USP40: variants seen among roughly 807,000 people sequenced by gnomAD.
USP40 encodes the protein ubiquitin specific peptidase 40.
Under a neutral mutation model 166.2 loss-of-function variants are expected in USP40, and 143 were observed. The ratio of observed to expected loss-of-function variants is 0.86; its 90% CI spans 0.75 to 0.99. The LOEUF (loss-of-function observed/expected upper bound fraction) is 0.99, where lower values mean the gene tolerates loss of function less well. USP40 is among the 50% of genes least tolerant of loss of function. USP40 has a pLI of 0.00. For missense variants in USP40, 1,444 were observed against 1,479.7 expected, an observed-to-expected ratio of 0.98 and a Z score of 0.40; for synonymous variants, 498 against 524.0, an observed-to-expected ratio of 0.95 and a Z score of 0.68.
At chr2:233,524,133 A>C (rs1271665748) in intron 15 of USP40, among the ~76,000 whole-genome samples, 1 of 152,012 alleles carries the variant, frequency 6.6e-6, no homozygotes, top group South Asian at 2.1e-4. Context: ...ATTTCATTAC[A>C]ATGACTTTTT....
intron 21 of USP40, among the ~76,000 whole-genome samples, chr2:233,509,425 G>A (rs2066643752): frequency 6.6e-6 from 1 of 151,780 alleles, no homozygotes; most frequent in South Asian, 2.1e-4. Flanking sequence ...TGTTAATATT[G>A]GTAGGATAAA....
In USP40 at chr2:233,498,540, C is replaced by T; in HGVS notation, c.2715+8G>A. ...ATACGAAAGTACAATGTATAGAAAT[C>T]ATCTTACTTCTTCACATAAAGGCTC... is the stretch of plus-strand genomic sequence containing the variant. On this transcript the variant is annotated splice_region_variant and intron_variant, in intron 23 of 31. Transcript: ENST00000678225. The T allele has an allele frequency of 1.9e-6, 3 of 1,610,860 alleles. 1 individual carries two copies. Among genetic ancestry groups the T allele is most frequent in the African/African-American group, 1.3e-5 (1 of 74,884 alleles).
intron 10 of USP40, among the ~76,000 whole-genome samples, chr2:233,537,049 A>ATC (rs2068991725): frequency 6.6e-6 from 1 of 151,994 alleles, no homozygotes; most frequent in African/African-American, 2.4e-5. Flanking sequence ...GCATCCAGCT[A>ATC]ATTTTTAAAT....
chr2:233,505,458 G>A (rs770783986), intron 21 of USP40, among the ~76,000 whole-genome samples: 3 of 152,046 alleles, frequency 2.0e-5, no homozygotes, highest in Non-Finnish European at 4.4e-5. Flanking sequence ...GAAAAAAAGA[G>A]TGAAGACTCA....
intron 4 of USP40, 82 bp downstream of exon 4, chr2:233,559,729 A>G: frequency 1.1e-6 from 1 of 950,132 alleles, no homozygotes; most frequent in Non-Finnish European, 1.5e-6. Context: ...AGACAAAATT[A>G]AAGGAAGTTA....
chr2:233,536,721 C>CAGT (rs1416162899), intron 10 of USP40, among the ~76,000 whole-genome samples: 1 of 152,180 alleles, frequency 6.6e-6, no homozygotes, highest in African/African-American at 2.4e-5. Flanking sequence ...CGAATACATA[C>CAGT]AGTTGGTCCT....
intron 21 of USP40, among the ~76,000 whole-genome samples, chr2:233,509,467 A>C (rs183770639): frequency 1.3e-5 from 2 of 152,138 alleles, no homozygotes; most frequent in South Asian, 4.1e-4. Flanking sequence ...TTTTTCTTTT[A>C]ATCAATTTCT....
chr2:233,529,167 T>G (rs1440368925), intron 12 of USP40, among the ~76,000 whole-genome samples: 1 of 152,248 alleles, frequency 6.6e-6, no homozygotes, highest in East Asian at 1.9e-4. Flanking sequence ...ATGTGCTCAC[T>G]GATTTCTCTA....
At chr2:233,515,809 T>C (rs2067149743) in intron 18 of USP40, among the ~76,000 whole-genome samples, 2 of 152,240 alleles carry the variant, frequency 1.3e-5, no homozygotes, top group South Asian at 2.1e-4. Flanking sequence ...CCCAGAAATT[T>C]TGTAGTTTTA....
intron 19 of USP40, 171 bp from the exon 20 acceptor site, chr2:233,511,968 T>C: frequency 1.8e-6 from 1 of 557,092 alleles, no homozygotes; most frequent in Non-Finnish European, 3.1e-6. Context: ...TGATTTTCAA[T>C]TTCCATACTC....
At position 233,523,174 on chromosome 2, in the gene USP40, TATC is replaced by T. The variant is rs751833866; in HGVS notation, c.2194_2196del (p.Asp732del). On this transcript the variant is annotated inframe_deletion, in exon 16 of 32. Coordinates refer to ENST00000678225, the MANE Select transcript of USP40 (RefSeq NM_001365479.2). ...TTTCTCTTGTTAGCGAGTTACCTGT[TATC>T]ATCATGAGAATCCTGAATTAAAATT... The T allele has an allele frequency of 6.2e-7, 1 of 1,606,258 alleles. No homozygotes were observed. The highest frequency in any genetic ancestry group is 1.1e-5 in the South Asian group (1 of 90,562).
At position 233,529,465 on chromosome 2, in the gene USP40, T is replaced by C; in HGVS notation, c.1519A>G (p.Met507Val). Residue 507 changes from methionine to valine, a missense_variant, in exon 12 of 32, where the codon ATG becomes GTG. By Grantham distance (21) the Met-to-Val change is conservative (BLOSUM62 1). Transcript: ENST00000678225. The part of the protein sequence containing the change: ...YGVPCHLLNE[M>V]DAANIELQTK... ...TGCAGTTCAATGTTAGCTGCATCCA[T>C]TTCATTCAGTAAATGACATGGAACC... 1.9e-6 allele frequency: 3 copies of C among 1,583,196 alleles called. No individual in the cohort carries two copies. The highest frequency in any genetic ancestry group is 2.6e-6 in the Non-Finnish European group (3 of 1,162,636).
intron 4 of USP40, 126 bp downstream of exon 4, chr2:233,559,685 G>A: frequency 7.4e-6 from 4 of 542,008 alleles, no homozygotes; most frequent in Non-Finnish European, 9.1e-6. Context: ...TTTAATGTGA[G>A]AAGGAAACAT....
At chr2:233,554,228 T>C (rs2070843074) in intron 6 of USP40, 152 bp downstream of exon 6, 2 of 844,948 alleles carry the variant, frequency 2.4e-6, no homozygotes. Context: ...AATTCATTAT[T>C]GTAAAAAATT....
intron 6 of USP40, among the ~76,000 whole-genome samples, chr2:233,552,428 A>G (rs1002592673): frequency 6.6e-6 from 1 of 152,202 alleles, no homozygotes; most frequent in Admixed American, 6.5e-5. Context: ...AGAATAGAAT[A>G]TAAATTTAGA....
chr2:233,486,872 C>T lies in USP40; in HGVS notation c.3198-895G>A, dbSNP rs996691690. ...CCAAGGCCTGGAGCCCAGCACAGTG[C>T]GGCCAGAGGACAGAAAGGGCATCGG... is the stretch of plus-strand genomic sequence containing the variant. On this transcript the variant is annotated intron_variant, in intron 28 of 31. Transcript: ENST00000678225. The surrounding 1 kb of genome is among the most constrained non-coding windows in gnomAD (Gnocchi z 4.0). Among the ~76,000 whole-genome samples the T allele has an allele frequency of 1.3e-5, 2 of 152,124 alleles. No individual in the cohort carries two copies. Among genetic ancestry groups the T allele is most frequent in the African/African-American group, 2.4e-5 (1 of 41,408 alleles).
At chr2:233,508,150 A>G (rs1323436964) in intron 21 of USP40, among the ~76,000 whole-genome samples, 1 of 152,206 alleles carries the variant, frequency 6.6e-6, no homozygotes, top group African/African-American at 2.4e-5. Flanking sequence ...TTTATTATGC[A>G]TCTCTAAAAG....
intron 21 of USP40, among the ~76,000 whole-genome samples, chr2:233,503,921 T>C (rs564469417): frequency 2.0e-5 from 3 of 152,212 alleles, no homozygotes; most frequent in Admixed American, 1.3e-4. Context: ...TCCTCTTCCA[T>C]GAAGGTTTAA....
At chr2:233,492,730 C>T (rs933089782) in intron 25 of USP40, 1 of 152,154 alleles carries the variant, frequency 6.6e-6, no homozygotes, top group African/African-American at 2.4e-5. Flanking sequence ...TAATATACTT[C>T]AAGGCACTAG....
Sources: allele counts gnomAD v4.1 joint callset (sites outside exome capture counted in the v4.1 genomes callset), GRCh38; gene constraint gnomAD v4.1.1; non-coding constraint Gnocchi (gnomAD v3.1); transcripts MANE v1.5; gene names NCBI Gene and HGNC (gene_info 2026-07-23, HGNC 2026-07-21).